AIF1L: variants seen among roughly 807,000 people sequenced by gnomAD.
AIF1L encodes allograft inflammatory factor 1-like.
A neutral mutation model predicts 20.7 loss-of-function variants in AIF1L; 12 were observed. The ratio of observed to expected loss-of-function variants is 0.58; its 90% confidence interval spans 0.37 to 0.94. AIF1L has a LOEUF of 0.94. AIF1L is among the 40% of genes least tolerant of loss of function. The probability of loss-of-function intolerance (pLI) is 0.01; values close to 1 mark genes in which losing one functional copy is unlikely to be tolerated. For missense variants in AIF1L, 173 were observed against 185.3 expected (o/e 0.93, Z 0.39); for synonymous variants, 76 against 65.1 (o/e 1.17, Z -0.81).
intron 2 of AIF1L, among the ~76,000 whole-genome samples, chr9:131,101,920 G>A (rs1252290010): frequency 2.0e-5 from 3 of 151,800 alleles, no homozygotes; most frequent in Admixed American, 6.6e-5. Context: ...GTTTTGTTTC[G>A]CTGTTTTTCA....
At chr9:131,110,347 C>T (rs534331811) in intron 2 of AIF1L, among the ~76,000 whole-genome samples, 1 of 152,182 alleles carries the variant, frequency 6.6e-6, no homozygotes, top group East Asian at 1.9e-4. Flanking sequence ...TGAAAGGACT[C>T]ATTTGAGTCT....
At chr9:131,111,297 T>TCTCAGACACCCC (rs1439659919) in intron 2 of AIF1L, 3 of 325,774 alleles carry the variant, frequency 9.2e-6, no homozygotes, top group Non-Finnish European at 1.7e-5. Flanking sequence ...GAAGCTGGGG[T>TCTCAGACACCCC]GTCTTGGGGG....
At chr9:131,100,654 T>G (rs1830618993) in intron 2 of AIF1L, among the ~76,000 whole-genome samples, 1 of 152,238 alleles carries the variant, frequency 6.6e-6, no homozygotes, top group African/African-American at 2.4e-5. Flanking sequence ...CAGCACCTCC[T>G]ACTCCCCCTA....
chr9:131,114,683 C>G, intron 4 of AIF1L, 65 bp downstream of exon 4: 1 of 1,595,870 alleles, frequency 6.3e-7, no homozygotes, highest in Non-Finnish European at 8.6e-7. Context: ...TTGAGGGACC[C>G]TCTGTGCGGG....
At chr9:131,113,830 G>A (rs923430073) in intron 3 of AIF1L, 4 of 152,292 alleles carry the variant, frequency 2.6e-5, no homozygotes, top group Admixed American at 6.5e-5. Context: ...TTTCTCTGCT[G>A]GCTGCTTGTG....
At chr9:131,114,356 T>C in intron 3 of AIF1L, 1 of 532,156 alleles carries the variant, frequency 1.9e-6, no homozygotes, top group Non-Finnish European at 3.4e-6. Context: ...CAGCCATCTT[T>C]CCCTCGTGGC....
chr9:131,099,579 TGGGCACCGCCATGGCTGCTGCCTG>T (rs996848426), intron 2 of AIF1L, among the ~76,000 whole-genome samples: 3 of 152,166 alleles, frequency 2.0e-5, no homozygotes, highest in African/African-American at 7.2e-5. Flanking sequence ...CCAGGCAGCT[TGGGCACCGCCATGGCTGCTGCCTG>T]GGGCACAGCC....
At chr9:131,118,788 T>C (rs978179518) in intron 5 of AIF1L, among the ~76,000 whole-genome samples, 2 of 151,958 alleles carry the variant, frequency 1.3e-5, no homozygotes, top group Admixed American at 1.3e-4. Flanking sequence ...TTCCAAGAGA[T>C]CAGACCCCCT....
intron 2 of AIF1L, chr9:131,106,377 C>T (rs1472977882): frequency 1.3e-6 from 1 of 784,442 alleles, no homozygotes; most frequent in Non-Finnish European, 2.1e-6. Flanking sequence ...GGTGTAGTAA[C>T]CTCAGTAAGC....
intron 2 of AIF1L, among the ~76,000 whole-genome samples, chr9:131,104,110 C>T (rs879279575): frequency 1.3e-5 from 2 of 152,202 alleles, no homozygotes; most frequent in Admixed American, 1.3e-4. Context: ...GTGTCACCCC[C>T]CAGCTCCTGC....
At chr9:131,110,449 T>C (rs903989262) in intron 2 of AIF1L, among the ~76,000 whole-genome samples, 4 of 152,142 alleles carry the variant, frequency 2.6e-5, no homozygotes, top group Non-Finnish European at 5.9e-5. Context: ...ACAGTCATTT[T>C]CCCGTTAGAG....
intron 2 of AIF1L, among the ~76,000 whole-genome samples, chr9:131,100,072 T>C (rs1164634588): frequency 6.6e-6 from 1 of 151,190 alleles, no homozygotes; most frequent in Non-Finnish European, 1.5e-5. Context: ...AGACAGGGTC[T>C]CACTCTGTTG....
At chr9:131,113,301 C>G (rs539918144) in intron 3 of AIF1L, among the ~76,000 whole-genome samples, 1 of 151,974 alleles carries the variant, frequency 6.6e-6, no homozygotes, top group South Asian at 2.1e-4. Context: ...AGTCCAAGAC[C>G]AGCCCGGCCA....
intron 2 of AIF1L, among the ~76,000 whole-genome samples, chr9:131,111,154 G>A (rs1204113689): frequency 2.0e-5 from 3 of 147,424 alleles, no homozygotes; most frequent in East Asian, 2.0e-4. Flanking sequence ...CCAGCCTGGG[G>A]GACAAGAGCA....
chr9:131,118,537 G>A (rs1831065347), intron 5 of AIF1L, among the ~76,000 whole-genome samples: 1 of 150,706 alleles, frequency 6.6e-6, no homozygotes, highest in South Asian at 2.1e-4. Flanking sequence ...AACTTTCCGA[G>A]CCTTAGTTTT....
chr9:131,120,305 A>G lies in AIF1L; in HGVS notation c.436A>G (p.Ile146Val), dbSNP rs758691808. 1.2e-6 allele frequency: 2 copies of G among 1,613,274 alleles called. No individual in the cohort carries two copies. Among genetic ancestry groups the G allele is most frequent in the South Asian group, 2.2e-5 (2 of 90,996 alleles). Reference sequence around the variant, plus strand: ...AGTTGGCCCCCCTCCAGAGAGAGACATTGCTAGCCTGCCCTGAGGACCCCG... The same window carrying G: ...AGTTGGCCCCCCTCCAGAGAGAGACGTTGCTAGCCTGCCCTGAGGACCCCG... ...KPVGPPPERD[I>V]ASLP is the part of the protein sequence containing the mutation. Residue 146 changes from isoleucine (I) to valine (V), a missense_variant, in exon 6 of 6, where the codon ATT becomes GTT. Coordinates refer to ENST00000247291, the MANE Select transcript of AIF1L (RefSeq NM_031426.4).
In AIF1L at chr9:131,103,819, A is replaced by G. The variant is rs7026383; in HGVS notation, c.93+6956A>G. Among the ~76,000 whole-genome samples the G allele has an allele frequency of 4.6e-3, 701 of 152,292 alleles. 4 individuals are homozygous for G. The highest frequency in any genetic ancestry group is 0.016 in the African/African-American group (673 of 41,544). Reference sequence around the variant, plus strand: ...AGAGCCACAGAGCTAGTATGTGCTAAAGCTGGAATGGCAACCCTGGCAAGT... The same window carrying G: ...AGAGCCACAGAGCTAGTATGTGCTAGAGCTGGAATGGCAACCCTGGCAAGT... On this transcript the variant is annotated intron_variant, in intron 2 of 5. Coordinates refer to ENST00000247291, the MANE Select transcript of AIF1L (RefSeq NM_031426.4).
intron 2 of AIF1L, among the ~76,000 whole-genome samples, chr9:131,109,253 G>C (rs1830821359): frequency 6.6e-6 from 1 of 151,960 alleles, no homozygotes; most frequent in Non-Finnish European, 1.5e-5. Context: ...AGTGAGCTCA[G>C]TAATGAAGAA....
chr9:131,096,944 C>G, intron 2 of AIF1L, 81 bp downstream of exon 2: 1 of 1,407,328 alleles, frequency 7.1e-7, no homozygotes, highest in Non-Finnish European at 9.4e-7. Context: ...CGAGGCCGTG[C>G]CCGCCTCCAG....
Sources: allele counts gnomAD v4.1 joint callset (sites outside exome capture counted in the v4.1 genomes callset), GRCh38; gene constraint gnomAD v4.1.1; transcripts MANE v1.5; gene names NCBI Gene and HGNC (gene_info 2026-07-23, HGNC 2026-07-21).